The following PRKD1 variants were observed in gnomAD, a reference collection of about 807,000 sequenced individuals.
The protein encoded by PRKD1 is serine/threonine-protein kinase D1.
A neutral mutation model predicts 95.9 loss-of-function variants in PRKD1; 63 were observed. The ratio of observed to expected loss-of-function variants is 0.66; its 90% CI spans 0.54 to 0.81. The LOEUF (loss-of-function observed/expected upper bound fraction) is 0.81, where lower values mean the gene tolerates loss of function less well. Among genes scored for constraint, PRKD1 ranks in the 30% least tolerant of loss-of-function variants. The probability of loss-of-function intolerance (pLI) is 0.00; values close to 1 mark genes in which losing one functional copy is unlikely to be tolerated. For missense variants in PRKD1, 1,048 were observed against 1,165.3 expected (o/e 0.90, Z 1.47); for synonymous variants, 425 against 423.1 (o/e 1.00, Z -0.05).
At chr14:29,651,887 G>C (rs1463275403) in intron 4 of PRKD1, among the ~76,000 whole-genome samples, 1 of 152,090 alleles carries the variant, frequency 6.6e-6, no homozygotes, top group Non-Finnish European at 1.5e-5. Flanking sequence ...TGGGATTACA[G>C]GCATGCACCA....
rs773192785 is a variant in PRKD1 at position 29,638,802 on chromosome 14, C to A, written c.799G>T (p.Val267Phe). ...ATGACAAATGTGTGCGGCACTTTAA[C>A]TTTAGACATCAAAATCTTGTCAAGG... ...IHLDKILMSK[V>F]KVPHTFVIHS... Residue 267 changes from valine to phenylalanine, a missense_variant, in exon 5 of 18, where the codon GTT becomes TTT. Val to Phe is a conservative substitution (Grantham distance 50, BLOSUM62 -1). Around this residue, in one of 3 missense-constraint regions of PRKD1, gnomAD observed 739 missense variants for 861.9 expected, o/e 0.86. Coordinates refer to ENST00000331968, the MANE Select transcript of PRKD1 (RefSeq NM_002742.3). 2 of 1,578,404 alleles carry A rather than the reference C, an allele frequency of 1.3e-6. No homozygotes were observed. Among genetic ancestry groups the A allele is most frequent in the South Asian group, 2.2e-5 (2 of 90,526 alleles).
At chr14:29,627,681 C>A (rs1879715240) in intron 11 of PRKD1, among the ~76,000 whole-genome samples, 1 of 104,362 alleles carries the variant, frequency 9.6e-6, no homozygotes, top group Non-Finnish European at 2.0e-5. Context: ...CACATGTACC[C>A]CAGAAGTTAA....
At chr14:29,721,804 C>T (rs1011530007) in intron 2 of PRKD1, among the ~76,000 whole-genome samples, 1 of 152,044 alleles carries the variant, frequency 6.6e-6, no homozygotes, top group African/African-American at 2.4e-5. Context: ...AACTTTCATG[C>T]AGTTGTTATT....
chr14:29,650,636 A>T lies in PRKD1; in HGVS notation c.697-11732T>A, dbSNP rs188525973. 4.6e-5 allele frequency: 7 copies of T among 152,362 alleles called. No homozygotes were observed. In the East Asian group the frequency reaches 1.2e-3, roughly 25 times the overall value. 9.4% of individuals were successfully genotyped at this position (152,362 alleles called of 1,614,324 possible). A position where few individuals can be genotyped will look rare whatever the true frequency, so the allele number is the denominator to read the frequency against. ...GGACATGTATCCTGAAAGACTGAGC[A>T]CTAGACAAAGAAGTTGCCTTTTAAG... On this transcript the variant is annotated intron_variant, in intron 4 of 17. Coordinates refer to ENST00000331968, the MANE Select transcript of PRKD1 (RefSeq NM_002742.3).
chr14:29,623,608 AAT>A (rs1473841462), intron 13 of PRKD1, among the ~76,000 whole-genome samples: 1 of 152,192 alleles, frequency 6.6e-6, no homozygotes, highest in Non-Finnish European at 1.5e-5. Flanking sequence ...TTTATCACAT[AAT>A]ACATTTTATT....
chr14:29,683,627 AG>A (rs1209179461), intron 2 of PRKD1, among the ~76,000 whole-genome samples: 2 of 152,250 alleles, frequency 1.3e-5, no homozygotes, highest in Non-Finnish European at 2.9e-5. Flanking sequence ...ATAAAAGAGA[AG>A]CAATATCCAA....
At chr14:29,907,456 G>C (rs1894533055) in intron 1 of PRKD1, among the ~76,000 whole-genome samples, 1 of 152,136 alleles carries the variant, frequency 6.6e-6, no homozygotes, top group Non-Finnish European at 1.5e-5. Context: ...CAATCATTCA[G>C]TGCCAGGCAC....
At chr14:29,632,187 A>G (rs1405609459) in intron 9 of PRKD1, among the ~76,000 whole-genome samples, 5 of 152,356 alleles carry the variant, frequency 3.3e-5, no homozygotes, top group South Asian at 4.1e-4. Flanking sequence ...CTAAAAAATA[A>G]TAACTTTTAA....
At chr14:29,781,810 A>G (rs1367991364) in intron 1 of PRKD1, among the ~76,000 whole-genome samples, 1 of 152,250 alleles carries the variant, frequency 6.6e-6, no homozygotes, top group Non-Finnish European at 1.5e-5. Flanking sequence ...ACTTGACAAG[A>G]GAAAAAAGAG....
At chr14:29,813,249 G>C (rs978007492) in intron 1 of PRKD1, among the ~76,000 whole-genome samples, 3 of 152,182 alleles carry the variant, frequency 2.0e-5, no homozygotes, top group African/African-American at 7.2e-5. Context: ...GGAGACAATT[G>C]TATGTGGGAA....
chr14:29,866,764 G>A (rs1001890887), intron 1 of PRKD1, among the ~76,000 whole-genome samples: 1 of 152,166 alleles, frequency 6.6e-6, no homozygotes, highest in Admixed American at 6.5e-5. Context: ...GAAGAATGTG[G>A]CAGAGGTAGG....
At chr14:29,589,024 T>C (rs1893034948) in intron 16 of PRKD1, among the ~76,000 whole-genome samples, 1 of 152,176 alleles carries the variant, frequency 6.6e-6, no homozygotes, top group Admixed American at 6.6e-5. Context: ...GTGAGACAAT[T>C]TCCGAGGCTG....
In PRKD1 at chr14:29,734,332, G is replaced by A. The variant is rs139476095; in HGVS notation, c.265-8658C>T. Among the ~76,000 whole-genome samples the A allele has an allele frequency of 4.9e-3, 752 of 152,032 alleles. 2 individuals carry two copies. Among genetic ancestry groups the A allele is most frequent in the African/African-American group, 0.017 (713 of 41,446 alleles). On this transcript the variant is annotated intron_variant, in intron 1 of 17. Coordinates refer to ENST00000331968, the MANE Select transcript of PRKD1 (RefSeq NM_002742.3). ...TGGTATTACGGGTGTGAGCCACTGC[G>A]CCCAGCCTCCTGCTTTTTTATATGT...
intron 4 of PRKD1, among the ~76,000 whole-genome samples, chr14:29,660,956 T>C (rs1225223087): frequency 6.6e-6 from 1 of 152,184 alleles, no homozygotes; most frequent in Admixed American, 6.5e-5. Context: ...CTGTTATAAA[T>C]TGACCACATC....
In PRKD1 at chr14:29,632,875, G is replaced by A. The variant is rs758993251; in HGVS notation, c.1386C>T (p.Tyr462=). ...AGAAAGAGCCCACTCTTACCTTGTA[G>A]TACCTGCTTCCTGTGTCATTCTGAA... ...TLFQNDTGSR[Y]YKEIPLSEIL... is the part of the protein sequence containing the mutation. The change falls in exon 9 of 18, where the codon TAC becomes TAT. Residue 462 remains tyrosine (Y), a synonymous_variant. Coordinates refer to ENST00000331968, the MANE Select transcript of PRKD1 (RefSeq NM_002742.3). 1.9e-6 allele frequency: 3 copies of A among 1,610,792 alleles called. No homozygotes were observed. The highest frequency in any genetic ancestry group is 2.5e-6 in the Non-Finnish European group (3 of 1,176,972).
chr14:29,811,983 G>A lies in PRKD1; in HGVS notation c.265-86309C>T, dbSNP rs556363824. ...GAGATTAGCATCATACCTACACAAG[G>A]ATGACATACAAATTTGTTATGTGTT... is the stretch of plus-strand genomic sequence containing the variant. On this transcript the variant is annotated intron_variant, in intron 1 of 17. Transcript: ENST00000331968. 2.0e-5 allele frequency: 3 copies of A among 152,178 alleles called. No homozygotes were observed. The East Asian group carries it at 5.8e-4, about 29-fold the overall frequency. 9.4% of individuals were successfully genotyped at this position (152,178 alleles called of 1,614,324 possible).
At chr14:29,828,238 G>A (rs184842913) in intron 1 of PRKD1, among the ~76,000 whole-genome samples, 123 of 152,198 alleles carry the variant, frequency 8.1e-4, no homozygotes, top group Non-Finnish European at 1.6e-3. Flanking sequence ...GCCAGTATCT[G>A]TTTCTGGTAA....
intron 16 of PRKD1, among the ~76,000 whole-genome samples, chr14:29,580,048 T>A (rs567035130): frequency 6.6e-6 from 1 of 152,194 alleles, no homozygotes; most frequent in African/African-American, 2.4e-5. Flanking sequence ...GGAGAGCTTA[T>A]GTGCTATTGC....
At chr14:29,631,099 G>A in intron 9 of PRKD1, 78 bp from the exon 10 acceptor site, 3 of 1,355,070 alleles carry the variant, frequency 2.2e-6, no homozygotes, top group Non-Finnish European at 3.0e-6. Context: ...CCAAGAACAT[G>A]TGAAAAATGA....
Sources: allele counts gnomAD v4.1 joint callset (sites outside exome capture counted in the v4.1 genomes callset), GRCh38; gene constraint gnomAD v4.1.1; regional missense constraint gnomAD v4.1.1; transcripts MANE v1.5; gene names NCBI Gene and HGNC (gene_info 2026-07-23, HGNC 2026-07-21).